Variants in MID2 observed in about 807,000 individuals in gnomAD.
MID2 encodes the protein probable E3 ubiquitin-protein ligase MID2.
Under a neutral mutation model 46.1 loss-of-function variants are expected in MID2, and 13 were observed. The observed-to-expected ratio is 0.28, with a 90% CI of 0.18 to 0.45. MID2 has a LOEUF of 0.45. Ranked by LOEUF, MID2 falls within the 20% of genes least tolerant of loss-of-function variation. MID2 has a pLI of 1.00. For synonymous variants in MID2, 199 were observed against 212.3 expected (o/e 0.94, Z 0.55); for missense variants, 431 against 575.4 (o/e 0.75, Z 2.57).
chrX:107,869,062 C>G (rs1932014506), intron 3 of MID2, among the ~76,000 whole-genome samples: 1 of 107,941 alleles, frequency 9.3e-6, no homozygotes. Flanking sequence ...AAAGGTCTCC[C>G]CCTCCTCAAA....
At chrX:107,836,567 T>A (rs185152752) in intron 1 of MID2, among the ~76,000 whole-genome samples, 1,132 of 109,977 alleles carry the variant, frequency 0.01, 8 homozygotes, top group Non-Finnish European at 0.015. Context: ...TTTTTTTTTT[T>A]AAATAATGAT....
intron 1 of MID2, among the ~76,000 whole-genome samples, chrX:107,831,551 T>TGTTGCTAGGATCCATGTGGTTCCCA (rs1931090461): frequency 8.9e-6 from 1 of 112,068 alleles, no homozygotes; most frequent in East Asian, 2.8e-4. Context: ...CTTTGTTCAG[T>TGTTGCTAGGATCCATGTGGTTCCCA]GTTGCTAGGA....
At chrX:107,890,943 C>T (rs1021330659) in intron 3 of MID2, among the ~76,000 whole-genome samples, 1 of 110,366 alleles carries the variant, frequency 9.1e-6, no homozygotes, top group African/African-American at 3.3e-5. Flanking sequence ...TCTGGTGTGC[C>T]GTTTGCTAAG....
rs372639302 is a variant in MID2 at position 107,852,144 on chromosome X, G to A, written c.721-2465G>A. Among the ~76,000 whole-genome samples, 9 of 111,451 alleles carry A rather than the reference G, an allele frequency of 8.1e-5. No individual in the cohort carries two copies. The East Asian group carries it at 2.5e-3, about 32-fold the overall frequency. On this transcript the variant is annotated intron_variant, in intron 2 of 9. Transcript: ENST00000262843. ...TGACCTCAGGTGATCCACCCACCTC[G>A]GTCTCCCAAAGTGCTGGGATTACAG...
chrX:107,928,999 A>G lies in MID2; in HGVS notation c.*1926A>G, dbSNP rs1166579098. On this transcript the variant is annotated 3_prime_UTR_variant, in exon 10 of 10. Transcript: ENST00000262843. ...TTCAAATGATCCTAGTTTCTGTACC[A>G]TTTATTAGCGTTGTGACCTAGGACA... 7.2e-5 allele frequency among the ~76,000 whole-genome samples: 8 copies of G among 111,868 alleles called. No individual in the cohort carries two copies. Among genetic ancestry groups the G allele is most frequent in the Non-Finnish European group, 1.1e-4 (6 of 53,030 alleles).
rs377198588 is a variant in MID2 at position 107,879,442 on chromosome X, CCTT to C, written c.817-24513_817-24511del. On this transcript the variant is annotated intron_variant, in intron 3 of 9. Transcript: ENST00000262843. ...CTCCAAAGCAATGCTGTCAAGCTGT[CCTT>C]CTGAAGTCAAGCTGACTCTCTCCAA... Among the ~76,000 whole-genome samples the C allele has an allele frequency of 4.2e-3, 474 of 112,461 alleles. 4 individuals carry two copies. The highest frequency in any genetic ancestry group is 0.013 in the African/African-American group (415 of 30,976).
intron 7 of MID2, among the ~76,000 whole-genome samples, chrX:107,923,790 T>TA (rs772181001): frequency 3.8e-4 from 43 of 111,970 alleles, no homozygotes; most frequent in Admixed American, 6.6e-4. Context: ...GCTACCATTT[T>TA]AAAAATACCA....
At chrX:107,921,800 T>C (rs1161903577) in intron 7 of MID2, among the ~76,000 whole-genome samples, 2 of 111,649 alleles carry the variant, frequency 1.8e-5, no homozygotes, top group Non-Finnish European at 3.8e-5. Flanking sequence ...AGGTGATTTC[T>C]GGGTCCTTAT....
chrX:107,912,225 T>C (rs1932904767), intron 5 of MID2, among the ~76,000 whole-genome samples: 2 of 112,114 alleles, frequency 1.8e-5, no homozygotes, highest in Admixed American at 1.9e-4. Context: ...CTCTTTTCCA[T>C]TCTCTTTGTC....
intron 2 of MID2, among the ~76,000 whole-genome samples, chrX:107,845,525 A>ACTCTCTCTCTCT (rs766707051): frequency 2.9e-4 from 21 of 72,942 alleles, no homozygotes; most frequent in African/African-American, 1.3e-3. Flanking sequence ...ACACACACAC[A>ACTCTCTCTCTCT]CTCTCTCTCT....
In MID2 at chrX:107,931,132, A is replaced by G. The variant is rs1230489431; in HGVS notation, c.*4059A>G. On this transcript the variant is annotated 3_prime_UTR_variant, in exon 10 of 10. Coordinates refer to ENST00000262843, the MANE Select transcript of MID2 (RefSeq NM_012216.4). The stretch of plus-strand genomic sequence containing the variant: ...CTCTAGGTGAATTTTCTAAACTTCC[A>G]TGGTTTACATATTTATATATGACTA... Among the ~76,000 whole-genome samples the G allele has an allele frequency of 8.9e-6, 1 of 112,479 alleles. No homozygotes were observed. Among genetic ancestry groups the G allele is most frequent in the East Asian group, 2.8e-4 (1 of 3,598 alleles).
chrX:107,893,556 C>T (rs144167265), intron 3 of MID2, among the ~76,000 whole-genome samples: 9 of 111,987 alleles, frequency 8.0e-5, no homozygotes, highest in African/African-American at 1.6e-4. Flanking sequence ...TAAAAAGGAA[C>T]GATTAAGTAG....
intron 3 of MID2, among the ~76,000 whole-genome samples, chrX:107,865,145 G>A (rs1638809317): frequency 8.9e-6 from 1 of 112,008 alleles, no homozygotes; most frequent in Non-Finnish European, 1.9e-5. Flanking sequence ...TAATGACTAT[G>A]CTGTATTAAA....
intron 1 of MID2, among the ~76,000 whole-genome samples, chrX:107,834,089 A>G (rs1269341554): frequency 8.9e-6 from 1 of 111,742 alleles, no homozygotes; most frequent in Admixed American, 9.5e-5. Flanking sequence ...TCACCACGCC[A>G]GACCCATTAT....
chrX:107,881,300 T>A (rs1932312194), intron 3 of MID2, among the ~76,000 whole-genome samples: 1 of 112,698 alleles, frequency 8.9e-6, no homozygotes, highest in South Asian at 3.7e-4. Context: ...AGTACCCCTG[T>A]TACAAATAAG....
At chrX:107,835,911 T>G (rs1209226451) in intron 1 of MID2, among the ~76,000 whole-genome samples, 1 of 112,304 alleles carries the variant, frequency 8.9e-6, no homozygotes. Context: ...GCTTTTGGTG[T>G]CATCTGAGAA....
chrX:107,881,789 CT>C (rs922897413), intron 3 of MID2, among the ~76,000 whole-genome samples: 2 of 112,306 alleles, frequency 1.8e-5, no homozygotes, highest in African/African-American at 6.5e-5. Flanking sequence ...TAAAAGTACA[CT>C]TTTTTATGTA....
intron 2 of MID2, among the ~76,000 whole-genome samples, chrX:107,842,410 C>T (rs761498483): frequency 3.6e-5 from 4 of 111,815 alleles, no homozygotes; most frequent in Admixed American, 1.9e-4. Flanking sequence ...AATGTTTAAA[C>T]GGATAGTAAA....
chrX:107,902,365 T>C (rs1440963345), intron 3 of MID2, among the ~76,000 whole-genome samples: 1 of 111,856 alleles, frequency 8.9e-6, no homozygotes, highest in African/African-American at 3.3e-5. Context: ...AGTTTCTAGA[T>C]ACTGTAAGCA....
Sources: gnomAD v4.1 joint callset for allele counts (sites outside exome capture counted in the v4.1 genomes callset) on GRCh38, gnomAD v4.1.1 for gene constraint, MANE v1.5 for transcripts, NCBI Gene and HGNC (gene_info 2026-07-23, HGNC 2026-07-21) for gene names.